Variants in RASSF3 observed in about 807,000 individuals in gnomAD.
The protein encoded by RASSF3 is ras association domain-containing protein 3.
A neutral mutation model predicts 19.9 loss-of-function variants in RASSF3; 19 were observed. That is an observed-to-expected ratio of 0.96 (90% CI 0.67 to 1.40). RASSF3 has a LOEUF of 1.40. Ranked by LOEUF, RASSF3 falls within the 40% of genes most tolerant of loss-of-function variation. The pLI is 0.00. For synonymous variants in RASSF3, 110 were observed against 104.2 expected, an observed-to-expected ratio of 1.06 and a Z score of -0.34; for missense variants, 306 against 289.8, an observed-to-expected ratio of 1.06 and a Z score of -0.41.
chr12:64,686,448 TAAAAATAC>T (rs1180821477), intron 2 of RASSF3, among the ~76,000 whole-genome samples: 1 of 152,056 alleles, frequency 6.6e-6, no homozygotes, highest in Admixed American at 6.5e-5. Context: ...CTGTCTCTAC[TAAAAATAC>T]AAAAATTAGC....
At chr12:64,560,083 T>C (rs1377995076) in intron 2 of RASSF3, among the ~76,000 whole-genome samples, 1 of 152,168 alleles carries the variant, frequency 6.6e-6, no homozygotes, top group Non-Finnish European at 1.5e-5. Context: ...TAGTTCTTAC[T>C]ATGAAATGAT....
chr12:64,571,264 C>T (rs916030526), intron 2 of RASSF3, among the ~76,000 whole-genome samples: 5 of 152,174 alleles, frequency 3.3e-5, no homozygotes, highest in Non-Finnish European at 5.9e-5. Flanking sequence ...TAGTTTGTCT[C>T]CAAGCTTGCC....
At chr12:64,691,039 T>G (rs1379389454) in intron 3 of RASSF3, among the ~76,000 whole-genome samples, 3 of 151,836 alleles carry the variant, frequency 2.0e-5, no homozygotes, top group African/African-American at 7.3e-5. Flanking sequence ...TTTTTGTATT[T>G]TTAGTAGAGA....
At chr12:64,564,481 C>T (rs1869396437) in intron 2 of RASSF3, among the ~76,000 whole-genome samples, 1 of 151,924 alleles carries the variant, frequency 6.6e-6, no homozygotes, top group African/African-American at 2.4e-5. Flanking sequence ...CTCCCAGGTT[C>T]AAGCTATTCT....
chr12:64,695,094 G>C lies in RASSF3; in HGVS notation c.*182G>C, dbSNP rs1868336004. The C allele has an allele frequency of 3.3e-6, 2 of 608,286 alleles. No individual in the cohort carries two copies. Among genetic ancestry groups the C allele is most frequent in the Non-Finnish European group, 2.8e-6 (1 of 356,262 alleles). 37.7% of individuals were successfully genotyped at this position (608,286 alleles called of 1,614,324 possible). The stretch of plus-strand genomic sequence containing the variant: ...CCTGCACCTTAGCGTCCCATGTAAG[G>C]GACTCTGCAAGCTTGTTGTTCAGCA... On this transcript the variant is annotated 3_prime_UTR_variant, in exon 5 of 5. Transcript: ENST00000542104.
intron 2 of RASSF3, among the ~76,000 whole-genome samples, chr12:64,558,741 G>T (rs1290015405): frequency 2.0e-5 from 3 of 152,134 alleles, no homozygotes; most frequent in Non-Finnish European, 4.4e-5. Context: ...ATTTGCTGTG[G>T]TATGGCAGGC....
intron 2 of RASSF3, among the ~76,000 whole-genome samples, chr12:64,598,914 G>A (rs376835981): frequency 7.9e-6 from 1 of 126,280 alleles, no homozygotes; most frequent in Non-Finnish European, 1.6e-5. Context: ...TCAGGCCCTG[G>A]TGTGTGATGT....
intron 1 of RASSF3, among the ~76,000 whole-genome samples, chr12:64,661,926 C>T (rs973806537): frequency 5.9e-5 from 9 of 151,374 alleles, no homozygotes; most frequent in African/African-American, 1.9e-4. Flanking sequence ...GGTGATCTGC[C>T]CACCTCGGCC....
At chr12:64,614,379 C>T (rs1478080199) in intron 1 of RASSF3, among the ~76,000 whole-genome samples, 2 of 152,020 alleles carry the variant, frequency 1.3e-5, no homozygotes, top group Admixed American at 6.6e-5. Context: ...CTGCCCGCCT[C>T]GGCCTCCCAA....
upstream of RASSF3, among the ~76,000 whole-genome samples, chr12:64,607,236 A>G (rs916031572): frequency 6.6e-6 from 1 of 151,730 alleles, no homozygotes; most frequent in Non-Finnish European, 1.5e-5. Context: ...GTGAGCCAAC[A>G]TGGCACCACT....
Position 64,598,176 on chromosome 12 carries a change from C to G in RASSF3, c.294+56471C>G, listed in dbSNP as rs150210997. Among the ~76,000 whole-genome samples, 857 of 152,332 alleles carry G rather than the reference C, an allele frequency of 5.6e-3. 7 individuals carry two copies. The highest frequency in any genetic ancestry group is 0.019 in the African/African-American group (790 of 41,576). On this transcript the variant is annotated intron_variant, in intron 2 of 5. Transcript: ENST00000637125. ...TCAAGTGACTTGCCCACTTTGGCCTCTCAAAGTGCTGGGATTACAGGCGTG... is the reference window on the plus strand; with the variant it reads ...TCAAGTGACTTGCCCACTTTGGCCTGTCAAAGTGCTGGGATTACAGGCGTG...
At chr12:64,525,772 A>G (rs1445444919) in intron 1 of RASSF3, among the ~76,000 whole-genome samples, 1 of 151,956 alleles carries the variant, frequency 6.6e-6, no homozygotes, top group East Asian at 1.9e-4. Context: ...GGAGTTTCTT[A>G]TATTACTGTA....
intron 1 of RASSF3, among the ~76,000 whole-genome samples, chr12:64,673,614 C>T (rs1328623209): frequency 6.6e-6 from 1 of 152,140 alleles, no homozygotes. Context: ...GTGCTGACTC[C>T]CATGCAGCCG....
At chr12:64,610,776 G>A in intron 1 of RASSF3, 33 bp downstream of exon 1, 1 of 1,460,114 alleles carries the variant, frequency 6.8e-7, no homozygotes, top group Non-Finnish European at 9.4e-7. Context: ...TGCAGCCCGC[G>A]CCCCAGAGTT....
upstream of RASSF3, among the ~76,000 whole-genome samples, chr12:64,608,974 C>T (rs1164536351): frequency 6.6e-6 from 1 of 152,156 alleles, no homozygotes; most frequent in African/African-American, 2.4e-5. Context: ...TGGGCTGTAA[C>T]TCAAAGGCCC....
chr12:64,511,865 TCAGA>T (rs1868330750), intron 1 of RASSF3, among the ~76,000 whole-genome samples: 1 of 152,222 alleles, frequency 6.6e-6, no homozygotes, highest in Non-Finnish European at 1.5e-5. Flanking sequence ...CTAGCTGTTT[TCAGA>T]CAGTCTCTTT....
intron 2 of RASSF3, among the ~76,000 whole-genome samples, chr12:64,562,448 T>G (rs1869364192): frequency 6.6e-6 from 1 of 152,160 alleles, no homozygotes; most frequent in Admixed American, 6.6e-5. Flanking sequence ...TATCTTCATA[T>G]GAGTGAATGA....
intron 1 of RASSF3, among the ~76,000 whole-genome samples, chr12:64,633,896 G>C (rs1218202656): frequency 6.6e-6 from 1 of 152,216 alleles, no homozygotes; most frequent in Non-Finnish European, 1.5e-5. Flanking sequence ...CACTTTGGGA[G>C]GCTGAGGTGG....
At chr12:64,682,872 TC>T (rs1446625036) in intron 1 of RASSF3, among the ~76,000 whole-genome samples, 1 of 152,216 alleles carries the variant, frequency 6.6e-6, no homozygotes, top group Non-Finnish European at 1.5e-5. Context: ...TTTTAACTGT[TC>T]TTCCTCTCTT....
Sources: allele counts gnomAD v4.1 joint callset (sites outside exome capture counted in the v4.1 genomes callset), GRCh38; gene constraint gnomAD v4.1.1; transcripts MANE v1.5; gene names NCBI Gene and HGNC (gene_info 2026-07-23, HGNC 2026-07-21).